The following RTN4 variants were observed in gnomAD, a reference collection of about 807,000 sequenced individuals.
RTN4 encodes reticulon-4.
A neutral mutation model predicts 90.4 loss-of-function variants in RTN4; 32 were observed. That is an observed-to-expected ratio of 0.35 (90% CI 0.27 to 0.48). The LOEUF (loss-of-function observed/expected upper bound fraction) is 0.48, where lower values mean the gene tolerates loss of function less well. Ranked by LOEUF, RTN4 falls within the 20% of genes least tolerant of loss-of-function variation. The pLI is 0.99. For synonymous variants in RTN4, 629 were observed against 552.5 expected (o/e 1.14, Z -1.94); for missense variants, 1,706 against 1,430.2 (o/e 1.19, Z -3.11).
intron 3 of RTN4, among the ~76,000 whole-genome samples, chr2:54,997,050 A>T (rs1179204062): frequency 6.6e-6 from 1 of 152,256 alleles, no homozygotes; most frequent in Non-Finnish European, 1.5e-5. Context: ...CATTAAAATT[A>T]AAAACTTTCA....
chr2:55,022,202 C>T (rs1406224542), intron 3 of RTN4, among the ~76,000 whole-genome samples: 6 of 152,256 alleles, frequency 3.9e-5, no homozygotes, highest in African/African-American at 7.2e-5. Flanking sequence ...GAAGCACTAG[C>T]GGGGAGGGGA....
At chr2:54,975,704 T>C (rs935956611) in intron 5 of RTN4, among the ~76,000 whole-genome samples, 2 of 152,230 alleles carry the variant, frequency 1.3e-5, no homozygotes, top group African/African-American at 4.8e-5. Context: ...TCTCCATGTA[T>C]TAAACGAACT....
intron 3 of RTN4, among the ~76,000 whole-genome samples, chr2:54,988,162 C>CA (rs1678720196): frequency 6.6e-6 from 1 of 152,116 alleles, no homozygotes; most frequent in African/African-American, 2.4e-5. Flanking sequence ...ACTGAAAATA[C>CA]AAAAATTAGT....
At chr2:55,045,275 T>C (rs1683345520) in intron 1 of RTN4, among the ~76,000 whole-genome samples, 1 of 152,212 alleles carries the variant, frequency 6.6e-6, no homozygotes, top group Non-Finnish European at 1.5e-5. Context: ...TCTTTGTCTT[T>C]ACATTCATGG....
In RTN4 at chr2:55,016,365, T is replaced by C. The variant is rs190224902; in HGVS notation, c.3013+8721A>G. Among the ~76,000 whole-genome samples the C allele has an allele frequency of 3.9e-5, 6 of 152,220 alleles. No homozygotes were observed. The East Asian group carries it at 1.2e-3, about 29-fold the overall frequency. On this transcript the variant is annotated intron_variant, in intron 3 of 8. Transcript: ENST00000337526. Reference sequence around the variant, plus strand: ...TGGGAGGCCAAGGTGGGCAGATCACTTAAGGTCAGGAGTTCTGGACCAGCT... The same window carrying C: ...TGGGAGGCCAAGGTGGGCAGATCACCTAAGGTCAGGAGTTCTGGACCAGCT...
At chr2:55,116,875 CTT>C (rs67265925), upstream of RTN4, among the ~76,000 whole-genome samples, 4 of 126,720 alleles carry the variant, frequency 3.2e-5, no homozygotes, top group Admixed American at 8.9e-5. Context: ...TCTTTTTTTC[CTT>C]TTTTTTTTTT....
chr2:55,049,284 A>G, intron 1 of RTN4: 1 of 473,808 alleles, frequency 2.1e-6, no homozygotes, highest in Non-Finnish European at 2.8e-6. Context: ...ACAGACCCGC[A>G]GCAAAACTGC....
intron 3 of RTN4, among the ~76,000 whole-genome samples, chr2:55,018,926 G>C (rs1681230594): frequency 6.6e-6 from 1 of 152,010 alleles, no homozygotes; most frequent in African/African-American, 2.4e-5. Flanking sequence ...AAGGAATCAG[G>C]CATCCTTGGA....
intron 3 of RTN4, among the ~76,000 whole-genome samples, chr2:54,999,679 C>G (rs1474333290): frequency 1.3e-5 from 2 of 152,024 alleles, no homozygotes; most frequent in Non-Finnish European, 2.9e-5. Flanking sequence ...TTTTCACAAC[C>G]ATGTTTATAA....
At chr2:55,115,522 G>A (rs1269448200), upstream of RTN4, among the ~76,000 whole-genome samples, 3 of 152,138 alleles carry the variant, frequency 2.0e-5, no homozygotes, top group Non-Finnish European at 4.4e-5. Flanking sequence ...CCACCACACT[G>A]TAGAAGATTT....
At chr2:55,073,828 C>T (rs1025542914) in intron 2 of RTN4, among the ~76,000 whole-genome samples, 10 of 152,282 alleles carry the variant, frequency 6.6e-5, no homozygotes, top group South Asian at 4.1e-4. Flanking sequence ...GGCAAAGAGA[C>T]GTATAAACTT....
chr2:55,047,959 T>C (rs1455317547), intron 1 of RTN4, among the ~76,000 whole-genome samples: 3 of 152,216 alleles, frequency 2.0e-5, no homozygotes, highest in African/African-American at 7.2e-5. Flanking sequence ...CTGAGAAATG[T>C]ATTGTTAGGC....
chr2:55,087,847 T>C (rs1460978089), intron 1 of RTN4, among the ~76,000 whole-genome samples: 1 of 152,192 alleles, frequency 6.6e-6, no homozygotes, highest in Non-Finnish European at 1.5e-5. Context: ...ATTTGTATGG[T>C]TGGATGTTTT....
chr2:55,008,139 G>T (rs1280600840), intron 3 of RTN4, among the ~76,000 whole-genome samples: 1 of 85,244 alleles, frequency 1.2e-5, no homozygotes, highest in Non-Finnish European at 2.4e-5. Context: ...TAATCGGCAA[G>T]CAAACACACA....
intron 2 of RTN4, chr2:55,056,526 G>A (rs1200112741): frequency 1.3e-5 from 2 of 151,860 alleles, no homozygotes; most frequent in Non-Finnish European, 2.9e-5. Flanking sequence ...AGGAGTTCGG[G>A]ACCAGCTTGG....
chr2:55,011,081 G>C (rs938527935), intron 3 of RTN4, among the ~76,000 whole-genome samples: 2 of 151,988 alleles, frequency 1.3e-5, no homozygotes, highest in African/African-American at 4.8e-5. Flanking sequence ...CACCAAGGCT[G>C]GAGTGCAGTG....
chr2:55,123,653 A>G, the RTN4 span, among the ~76,000 whole-genome samples: 1 of 151,546 alleles, frequency 6.6e-6, no homozygotes, highest in South Asian at 2.1e-4. Flanking sequence ...ATCACTTATT[A>G]TATTATATTA....
At chr2:55,046,096 A>T (rs184794876) in intron 1 of RTN4, among the ~76,000 whole-genome samples, 51 of 151,748 alleles carry the variant, frequency 3.4e-4, no homozygotes, top group African/African-American at 1.2e-3. Context: ...TAAATAACGT[A>T]AACAGCAATG....
the RTN4 span, among the ~76,000 whole-genome samples, chr2:55,134,144 G>C: frequency 6.6e-6 from 1 of 152,146 alleles, no homozygotes; most frequent in Non-Finnish European, 1.5e-5. Flanking sequence ...ATTTCCTTTA[G>C]TATGCTAATT....
Sources: gnomAD v4.1 joint callset for allele counts (sites outside exome capture counted in the v4.1 genomes callset) on GRCh38, gnomAD v4.1.1 for gene constraint, MANE v1.5 for transcripts, NCBI Gene and HGNC (gene_info 2026-07-23, HGNC 2026-07-21) for gene names.